METTL24: variants seen among roughly 807,000 people sequenced by gnomAD.
METTL24 encodes the protein probable methyltransferase-like protein 24.
In METTL24, 29 loss-of-function variants were observed where a neutral mutation model predicts 32.7. That is an observed-to-expected ratio of 0.89 (90% CI 0.66 to 1.21). The LOEUF (loss-of-function observed/expected upper bound fraction) is 1.21. Ranked by LOEUF, METTL24 falls within the 50% of genes most tolerant of loss-of-function variation. The pLI is 0.00. For missense variants in METTL24, 439 were observed against 468.1 expected, an observed-to-expected ratio of 0.94 and a Z score of 0.57; for synonymous variants, 163 against 179.5, an observed-to-expected ratio of 0.91 and a Z score of 0.73.
At chr6:110,249,183 C>T (rs76552095) in intron 4 of METTL24, among the ~76,000 whole-genome samples, 5,796 of 151,876 alleles carry the variant, frequency 0.038, 411 homozygotes, top group African/African-American at 0.13. Flanking sequence ...ATATTTATTC[C>T]AAACGTCTTA....
At chr6:110,312,981 C>T (rs1376519661) in intron 3 of METTL24, among the ~76,000 whole-genome samples, 1 of 152,230 alleles carries the variant, frequency 6.6e-6, no homozygotes, top group Non-Finnish European at 1.5e-5. Flanking sequence ...ACATTGGTTA[C>T]TTGGTGCACA....
intron 1 of METTL24, among the ~76,000 whole-genome samples, chr6:110,355,747 C>G (rs1772686687): frequency 6.6e-6 from 1 of 152,124 alleles, no homozygotes; most frequent in Non-Finnish European, 1.5e-5. Context: ...ACAAAACAAA[C>G]AAGAGAGAAA....
intron 4 of METTL24, among the ~76,000 whole-genome samples, chr6:110,278,769 A>G (rs759497836): frequency 1.3e-5 from 2 of 152,186 alleles, no homozygotes; most frequent in Non-Finnish European, 2.9e-5. Flanking sequence ...TGCCTGAAAC[A>G]CTAACACTTT....
chr6:110,265,488 A>G (rs1284376266), intron 4 of METTL24, among the ~76,000 whole-genome samples: 5 of 152,224 alleles, frequency 3.3e-5, no homozygotes, highest in Admixed American at 6.5e-5. Context: ...AATGCTGCGC[A>G]GACAAATGAC....
intron 4 of METTL24, among the ~76,000 whole-genome samples, chr6:110,271,987 C>T (rs1246498742): frequency 2.0e-5 from 3 of 151,948 alleles, no homozygotes; most frequent in East Asian, 3.9e-4. Flanking sequence ...TTCAACAGAG[C>T]TTTATTATTA....
chr6:110,287,097 G>T (rs1163963647), intron 4 of METTL24, among the ~76,000 whole-genome samples: 1 of 152,262 alleles, frequency 6.6e-6, no homozygotes, highest in Middle Eastern at 3.4e-3. Context: ...GTCATCAGAT[G>T]GGCTTTCTAC....
intron 2 of METTL24, among the ~76,000 whole-genome samples, chr6:110,320,303 C>CT (rs1337630496): frequency 6.6e-6 from 1 of 152,144 alleles, no homozygotes; most frequent in Non-Finnish European, 1.5e-5. Context: ...AACAGTGACT[C>CT]TAATATTCTG....
chr6:110,294,337 T>C (rs2114727646), intron 4 of METTL24, among the ~76,000 whole-genome samples: 1 of 152,100 alleles, frequency 6.6e-6, no homozygotes, highest in East Asian at 1.9e-4. Context: ...GTTGAATGGG[T>C]AGTTAACTTT....
chr6:110,350,639 A>G (rs1772577004), intron 1 of METTL24, among the ~76,000 whole-genome samples: 1 of 151,856 alleles, frequency 6.6e-6, no homozygotes, highest in African/African-American at 2.4e-5. Context: ...TGTCCTCGAA[A>G]TGGGGGACGG....
At chr6:110,331,034 T>A (rs1772102191) in intron 1 of METTL24, among the ~76,000 whole-genome samples, 1 of 152,126 alleles carries the variant, frequency 6.6e-6, no homozygotes, top group African/African-American at 2.4e-5. Context: ...TGGACATGCT[T>A]GAAACCAAGG....
chr6:110,246,307 C>T, intron 4 of METTL24, 47 bp from the exon 5 acceptor site: 1 of 1,486,342 alleles, frequency 6.7e-7, no homozygotes, highest in Non-Finnish European at 9.1e-7. Context: ...GTAAAACTAT[C>T]TTGATATCAG....
At chr6:110,353,359 T>C (rs1197316259) in intron 1 of METTL24, among the ~76,000 whole-genome samples, 1 of 152,188 alleles carries the variant, frequency 6.6e-6, no homozygotes, top group Non-Finnish European at 1.5e-5. Context: ...AATTCAAACC[T>C]ATCTTCAAGT....
At chr6:110,274,471 G>A (rs1771010008) in intron 4 of METTL24, among the ~76,000 whole-genome samples, 1 of 152,102 alleles carries the variant, frequency 6.6e-6, no homozygotes, top group Admixed American at 6.6e-5. Context: ...GGATGCAAAG[G>A]CATAAGAATA....
At chr6:110,262,144 C>T (rs549494416) in intron 4 of METTL24, among the ~76,000 whole-genome samples, 51 of 152,106 alleles carry the variant, frequency 3.4e-4, no homozygotes, top group Non-Finnish European at 5.3e-4. Context: ...GATAGAGATA[C>T]AAAAAACCCT....
intron 2 of METTL24, among the ~76,000 whole-genome samples, chr6:110,319,901 C>G (rs1771901963): frequency 6.6e-6 from 1 of 152,166 alleles, no homozygotes; most frequent in Non-Finnish European, 1.5e-5. Context: ...TGCCCTATGC[C>G]TCTGCTCCCG....
chr6:110,269,968 T>C (rs1376654681), intron 4 of METTL24, among the ~76,000 whole-genome samples: 1 of 152,212 alleles, frequency 6.6e-6, no homozygotes, highest in Non-Finnish European at 1.5e-5. Context: ...AAGAGTAGGA[T>C]GGCTGTCTAA....
intron 4 of METTL24, among the ~76,000 whole-genome samples, chr6:110,293,178 A>T (rs1443994816): frequency 6.6e-6 from 1 of 152,086 alleles, no homozygotes; most frequent in Middle Eastern, 3.2e-3. Context: ...GTAGATTAAC[A>T]TAAGAAAGGG....
chr6:110,272,682 C>T (rs537992147), intron 4 of METTL24, among the ~76,000 whole-genome samples: 1 of 152,246 alleles, frequency 6.6e-6, no homozygotes, highest in East Asian at 1.9e-4. Flanking sequence ...AAGGTGGTAT[C>T]TCATTGTGGT....
intron 1 of METTL24, among the ~76,000 whole-genome samples, chr6:110,334,949 G>A (rs915283596): frequency 6.6e-6 from 1 of 152,156 alleles, no homozygotes; most frequent in Non-Finnish European, 1.5e-5. Flanking sequence ...CTGTCTGAAT[G>A]CACTATAAGT....
Sources: gnomAD v4.1 joint callset for allele counts (sites outside exome capture counted in the v4.1 genomes callset) on GRCh38, gnomAD v4.1.1 for gene constraint, MANE v1.5 for transcripts, NCBI Gene and HGNC (gene_info 2026-07-23, HGNC 2026-07-21) for gene names.